Variants in CLNK observed in about 807,000 individuals in gnomAD.
CLNK encodes cytokine-dependent hematopoietic cell linker.
CLNK carries 74 observed loss-of-function variants against 68.6 expected under a neutral mutation model. That is an observed-to-expected ratio of 1.08 (90% confidence interval 0.89 to 1.31). The LOEUF is 1.31. CLNK is among the 50% of genes most tolerant of loss of function. The pLI is 0.00. For synonymous variants in CLNK, 198 were observed against 172.2 expected (o/e 1.15, Z -1.17); for missense variants, 553 against 515.3 (o/e 1.07, Z -0.71).
chr4:10,600,437 T>G (rs1254745587), intron 2 of CLNK, among the ~76,000 whole-genome samples: 1 of 152,218 alleles, frequency 6.6e-6, no homozygotes, highest in Non-Finnish European at 1.5e-5. Flanking sequence ...AAAGGACAGA[T>G]GAAGGCTGCT....
At chr4:10,621,230 G>A (rs573713232) in intron 2 of CLNK, among the ~76,000 whole-genome samples, 37 of 152,276 alleles carry the variant, frequency 2.4e-4, no homozygotes, top group African/African-American at 8.9e-4. Flanking sequence ...TCCTTGAAAC[G>A]CGATAGAAGT....
chr4:10,714,786 C>T, the CLNK span, among the ~76,000 whole-genome samples: 3 of 151,978 alleles, frequency 2.0e-5, no homozygotes, highest in Non-Finnish European at 4.4e-5. Context: ...GAAAAAGGCA[C>T]TCTAGTTAAC....
At chr4:10,497,248 G>A (rs1305102118) in intron 18 of CLNK, among the ~76,000 whole-genome samples, 1 of 152,186 alleles carries the variant, frequency 6.6e-6, no homozygotes, top group Non-Finnish European at 1.5e-5. Context: ...TAACTGCACA[G>A]AATAGTTCCA....
At chr4:10,543,773 TTTTTGAAAAACAC>T (rs1448712380) in intron 8 of CLNK, among the ~76,000 whole-genome samples, 1 of 152,256 alleles carries the variant, frequency 6.6e-6, no homozygotes, top group East Asian at 1.9e-4. Flanking sequence ...TCTGTTTTCA[TTTTTGAAAAACAC>T]TTTTGAAATA....
chr4:10,701,631 T>C, the CLNK span, among the ~76,000 whole-genome samples: 4 of 152,094 alleles, frequency 2.6e-5, no homozygotes, highest in African/African-American at 9.7e-5. Context: ...AAGAAACACT[T>C]AAACAGTGCT....
At chr4:10,646,159 C>A (rs1560260258) in intron 2 of CLNK, among the ~76,000 whole-genome samples, 1 of 152,014 alleles carries the variant, frequency 6.6e-6, no homozygotes, top group Non-Finnish European at 1.5e-5. Flanking sequence ...TGTGAATTAC[C>A]TTGATTTGAC....
At chr4:10,581,221 C>T (rs1175190249) in intron 4 of CLNK, among the ~76,000 whole-genome samples, 1 of 152,098 alleles carries the variant, frequency 6.6e-6, no homozygotes, top group Non-Finnish European at 1.5e-5. Flanking sequence ...TGTGTAAGTA[C>T]ATTCTATGAC....
intron 1 of CLNK, 144 bp downstream of exon 1, chr4:10,684,524 G>T (rs1023448073): frequency 2.6e-5 from 4 of 152,176 alleles, no homozygotes; most frequent in Admixed American, 1.3e-4. Context: ...CTTTCTTCTT[G>T]CTCCTTTGAT....
At chr4:10,608,158 T>C (rs1239336222) in intron 2 of CLNK, among the ~76,000 whole-genome samples, 1 of 152,192 alleles carries the variant, frequency 6.6e-6, no homozygotes, top group African/African-American at 2.4e-5. Context: ...CCTCCATTGA[T>C]CTCCTTGACA....
At chr4:10,671,855 G>A (rs939532639) in intron 1 of CLNK, among the ~76,000 whole-genome samples, 17 of 152,150 alleles carry the variant, frequency 1.1e-4, no homozygotes, top group Non-Finnish European at 2.2e-4. Flanking sequence ...AATTGGCTTA[G>A]GTCAGCAAAC....
At chr4:10,521,096 T>C (rs771133680) in intron 14 of CLNK, among the ~76,000 whole-genome samples, 3 of 152,248 alleles carry the variant, frequency 2.0e-5, no homozygotes, top group Non-Finnish European at 2.9e-5. Context: ...CGTATCATTA[T>C]TCTTTACTTT....
At chr4:10,581,534 C>T (rs910789817) in intron 4 of CLNK, among the ~76,000 whole-genome samples, 1 of 152,184 alleles carries the variant, frequency 6.6e-6, no homozygotes, top group Admixed American at 6.5e-5. Context: ...GGTTGAAGAA[C>T]AGGCATAATG....
chr4:10,499,309 C>A (rs951099299), intron 18 of CLNK, among the ~76,000 whole-genome samples: 3 of 152,162 alleles, frequency 2.0e-5, no homozygotes, highest in Admixed American at 2.0e-4. Context: ...GCTCTCATTG[C>A]GACTGTCCAA....
At chr4:10,633,544 G>C (rs1237015409) in intron 2 of CLNK, among the ~76,000 whole-genome samples, 1 of 152,202 alleles carries the variant, frequency 6.6e-6, no homozygotes, top group African/African-American at 2.4e-5. Context: ...AAGAAAACGA[G>C]AGACGCAATT....
intron 3 of CLNK, among the ~76,000 whole-genome samples, chr4:10,591,687 CT>C (rs1721183695): frequency 6.6e-6 from 1 of 152,224 alleles, no homozygotes; most frequent in African/African-American, 2.4e-5. Flanking sequence ...TAGGAAACTA[CT>C]CCACGTGTGT....
intron 15 of CLNK, among the ~76,000 whole-genome samples, chr4:10,515,051 T>C (rs1409754291): frequency 6.6e-6 from 1 of 152,088 alleles, no homozygotes; most frequent in African/African-American, 2.4e-5. Context: ...CAGCCTGGCT[T>C]ACATGGTGAA....
At chr4:10,493,407 A>G (rs1314881314) in intron 18 of CLNK, among the ~76,000 whole-genome samples, 1 of 152,200 alleles carries the variant, frequency 6.6e-6, no homozygotes, top group Non-Finnish European at 1.5e-5. Context: ...TGGGGAGTCC[A>G]AGATCGAGGC....
chr4:10,565,935 G>T (rs894587270), intron 6 of CLNK, 74 bp downstream of exon 6: 10 of 1,492,640 alleles, frequency 6.7e-6, no homozygotes, highest in Admixed American at 6.2e-5. Flanking sequence ...TTCAGAAACC[G>T]CACCTTTAAA....
At chr4:10,504,269 C>T (rs748127269) in intron 17 of CLNK, among the ~76,000 whole-genome samples, 6 of 151,530 alleles carry the variant, frequency 4.0e-5, no homozygotes, top group South Asian at 2.1e-4. Flanking sequence ...TACAGGCGCC[C>T]GCCACCACGC....
Sources: allele counts gnomAD v4.1 joint callset (sites outside exome capture counted in the v4.1 genomes callset), GRCh38; gene constraint gnomAD v4.1.1; transcripts MANE v1.5; gene names NCBI Gene and HGNC (gene_info 2026-07-23, HGNC 2026-07-21).